The following B3GALT5 variants were observed in gnomAD, a reference collection of about 807,000 sequenced individuals.
The protein encoded by B3GALT5 is beta-1,3-galactosyltransferase 5.
For missense variants in B3GALT5, 328 were observed against 396.6 expected (o/e 0.83, Z 1.47); for synonymous variants, 156 against 158.6 (o/e 0.98, Z 0.12).
chr21:39,632,690 C>G (rs1259620160), intron 1 of B3GALT5, among the ~76,000 whole-genome samples: 1 of 152,196 alleles, frequency 6.6e-6, no homozygotes, highest in Admixed American at 6.5e-5. Context: ...CACCGTCTCA[C>G]CAGGCTGGAA....
chr21:39,639,391 C>CTTCCTTCTTTCT (rs1569212311), intron 1 of B3GALT5, among the ~76,000 whole-genome samples: 2 of 81,724 alleles, frequency 2.4e-5, no homozygotes, highest in African/African-American at 9.2e-5. Flanking sequence ...TCCTTCCTTC[C>CTTCCTTCTTTCT]TTCTTTCTTT....
chr21:39,627,213 T>G (rs2123692504), intron 1 of B3GALT5, among the ~76,000 whole-genome samples: 1 of 152,326 alleles, frequency 6.6e-6, no homozygotes, highest in Non-Finnish European at 1.5e-5. Flanking sequence ...CACTGGTGAC[T>G]ATCCTTTGTT....
At chr21:39,650,987 C>A (rs887777323) in intron 2 of B3GALT5, among the ~76,000 whole-genome samples, 3 of 144,378 alleles carry the variant, frequency 2.1e-5, no homozygotes. Flanking sequence ...AAAAAAAAAA[C>A]CTTCTTCTAG....
chr21:39,659,011 G>A (rs1050922836), intron 2 of B3GALT5, among the ~76,000 whole-genome samples: 12 of 152,250 alleles, frequency 7.9e-5, no homozygotes, highest in African/African-American at 2.9e-4. Flanking sequence ...GGAGGCCAAG[G>A]CAGGGGACTG....
intron 1 of B3GALT5, among the ~76,000 whole-genome samples, chr21:39,631,091 G>T (rs1235377808): frequency 2.6e-5 from 4 of 152,140 alleles, no homozygotes; most frequent in Non-Finnish European, 4.4e-5. Context: ...AAATATTCAG[G>T]TATTAGCTGT....
chr21:39,661,227 G>A lies in B3GALT5; in HGVS notation c.668G>A (p.Gly223Asp), dbSNP rs1346755362. ...TCCGGCACCGGCTACGTGTTTTCTG[G>A]CGACGTGGCGAGTCAGGTGTACAAT... is the stretch of plus-strand genomic sequence containing the variant. ...FCSGTGYVFS[G>D]DVASQVYNVS... The change falls in exon 4 of 4, where the codon GGC becomes GAC. Residue 223 changes from glycine (G) to aspartate (D), a missense_variant. Coordinates refer to ENST00000684187, the MANE Select transcript of B3GALT5 (RefSeq NM_001356336.2). This position sits in a 1 kb window ranked among gnomAD's most constrained non-coding sequence, Gnocchi z 4.7. 5.6e-6 allele frequency: 9 copies of A among 1,614,160 alleles called. No individual in the cohort carries two copies. The highest frequency in any genetic ancestry group is 1.3e-5 in the African/African-American group (1 of 75,044).
chr21:39,638,355 G>A (rs978574712), intron 1 of B3GALT5, among the ~76,000 whole-genome samples: 2 of 152,162 alleles, frequency 1.3e-5, no homozygotes, highest in Admixed American at 1.3e-4. Flanking sequence ...GCGGCTGGAC[G>A]TCAAGAGAAA....
At chr21:39,638,783 C>G (rs758459600) in intron 1 of B3GALT5, among the ~76,000 whole-genome samples, 2 of 152,110 alleles carry the variant, frequency 1.3e-5, no homozygotes, top group Non-Finnish European at 2.9e-5. Flanking sequence ...ACAGCCTGCC[C>G]GTCTTTATGC....
At position 39,661,354 on chromosome 21, in the gene B3GALT5, CT is replaced by C; in HGVS notation, c.801del (p.Pro268GlnfsTer32). The C allele has an allele frequency of 1.2e-6, 2 of 1,611,130 alleles. No homozygotes were observed. Among genetic ancestry groups the C allele is most frequent in the Middle Eastern group, 1.7e-4 (1 of 6,034 alleles). ...RLEELHSQPT[F>X]FPGGLRFSVC... ...TGGAGGAGCTCCACTCCCAGCCGAC[CT>C]TTTTTCCAGGGGGCTTACGCTTCTC... On this transcript the variant is annotated frameshift_variant, in exon 4 of 4. Coordinates refer to ENST00000684187, the MANE Select transcript of B3GALT5 (RefSeq NM_001356336.2). LOFTEE classifies it low-confidence loss of function (END_TRUNC). The surrounding 1 kb of genome is among the most constrained non-coding windows in gnomAD (Gnocchi z 4.7).
chr21:39,623,835 C>A (rs1055650400), intron 1 of B3GALT5, among the ~76,000 whole-genome samples: 1 of 152,166 alleles, frequency 6.6e-6, no homozygotes, highest in Non-Finnish European at 1.5e-5. Context: ...CTCATATTTT[C>A]AATTCTGGAA....
chr21:39,670,550 G>T lies in B3GALT5; in HGVS notation c.*9058G>T, dbSNP rs1418223939. On this transcript the variant is annotated 3_prime_UTR_variant, in exon 4 of 4. Transcript: ENST00000684187. ...TCAGTAAGGTGGAAGCCAGCTGCAG[G>T]CGTGGTCCACAGTTCCAGACATCTC... 2 of 152,230 alleles carry T rather than the reference G, an allele frequency of 1.3e-5. No individual in the cohort carries two copies. Among genetic ancestry groups the T allele is most frequent in the Non-Finnish European group, 2.9e-5 (2 of 68,046 alleles). The allele number at this position is 152,230 out of a possible 1,614,324, so 9.4% of individuals were successfully genotyped here. A position where few individuals can be genotyped will look rare whatever the true frequency, so the allele number is the denominator to read the frequency against.
At chr21:39,625,102 T>C (rs1199893516) in intron 1 of B3GALT5, among the ~76,000 whole-genome samples, 1 of 152,230 alleles carries the variant, frequency 6.6e-6, no homozygotes, top group Non-Finnish European at 1.5e-5. Flanking sequence ...CCTGTTTTGG[T>C]GACTTTTCAT....
At chr21:39,625,738 G>A (rs2837101) in intron 1 of B3GALT5, among the ~76,000 whole-genome samples, 90,811 of 152,052 alleles carry the variant, frequency 0.6, 28,112 homozygotes, top group East Asian at 0.84. Context: ...TGTCTGAAGG[G>A]GCATGGTTAG....
At position 39,638,850 on chromosome 21, in the gene B3GALT5, C is replaced by T. The variant is rs569906632; in HGVS notation, c.-391-7542C>T. Among the ~76,000 whole-genome samples, 25 of 152,302 alleles carry T rather than the reference C, an allele frequency of 1.6e-4. No individual in the cohort carries two copies. The East Asian group carries it at 3.7e-3, about 22-fold the overall frequency. On this transcript the variant is annotated intron_variant, in intron 1 of 3. Coordinates refer to ENST00000684187, the MANE Select transcript of B3GALT5 (RefSeq NM_001356336.2). ...AGAAGCGAGTCACTCCCCCATCACA[C>T]GCCCTGGGAGGAGGACAAGGGAACT...
chr21:39,651,030 C>G (rs895264592), intron 2 of B3GALT5, among the ~76,000 whole-genome samples: 1 of 151,938 alleles, frequency 6.6e-6, no homozygotes. Context: ...GTGATGTCTT[C>G]CCCTGAATCG....
At chr21:39,639,338 C>CTT (rs1555926098) in intron 1 of B3GALT5, among the ~76,000 whole-genome samples, 13 of 119,734 alleles carry the variant, frequency 1.1e-4, no homozygotes, top group African/African-American at 3.8e-4. Flanking sequence ...TTCTTTCTTT[C>CTT]TTTCTTTCTT....
intron 1 of B3GALT5, among the ~76,000 whole-genome samples, chr21:39,640,501 G>A (rs960272660): frequency 1.1e-4 from 16 of 152,160 alleles, no homozygotes; most frequent in African/African-American, 3.9e-4. Context: ...TCTCAACATA[G>A]GAAAACACCT....
At chr21:39,646,946 C>A (rs941527338) in intron 2 of B3GALT5, among the ~76,000 whole-genome samples, 2 of 152,064 alleles carry the variant, frequency 1.3e-5, no homozygotes, top group East Asian at 3.9e-4. Flanking sequence ...AGAAAAAATA[C>A]AAAAATTCCC....
At position 39,661,563 on chromosome 21, in the gene B3GALT5, G is replaced by T. The variant is rs1411593999; in HGVS notation, c.*71G>T. 10 of 1,378,668 alleles carry T rather than the reference G, an allele frequency of 7.3e-6. No homozygotes were observed. Among genetic ancestry groups the T allele is most frequent in the Non-Finnish European group, 9.6e-6 (10 of 1,037,256 alleles). The allele number at this position is 1,378,668 out of a possible 1,614,324, so 85.4% of individuals were successfully genotyped here. On this transcript the variant is annotated 3_prime_UTR_variant, in exon 4 of 4. Coordinates refer to ENST00000684187, the MANE Select transcript of B3GALT5 (RefSeq NM_001356336.2). The surrounding 1 kb of genome is among the most constrained non-coding windows in gnomAD (Gnocchi z 4.7). ...GGATAGTTTTTGCTAGATTTTGGAAGAGGGGGCGGGACAGAGGATGCTGTT... is the reference window on the plus strand; with the variant it reads ...GGATAGTTTTTGCTAGATTTTGGAATAGGGGGCGGGACAGAGGATGCTGTT...
Sources: gnomAD v4.1 joint callset for allele counts (sites outside exome capture counted in the v4.1 genomes callset) on GRCh38, gnomAD v4.1.1 for gene constraint, Gnocchi (gnomAD v3.1) non-coding constraint, MANE v1.5 for transcripts, NCBI Gene and HGNC (gene_info 2026-07-23, HGNC 2026-07-21) for gene names.